HAAO: variants seen among roughly 807,000 people sequenced by gnomAD.
The protein encoded by HAAO is 3-hydroxyanthranilate oxygenase.
Under a neutral mutation model 46.2 loss-of-function variants are expected in HAAO, and 49 were observed. That is an observed-to-expected ratio of 1.06 (90% CI 0.84 to 1.34). The LOEUF (loss-of-function observed/expected upper bound fraction) is 1.34. HAAO is among the 40% of genes most tolerant of loss of function. The pLI is 0.00. For missense variants in HAAO, 408 were observed against 364.5 expected (o/e 1.12, Z -0.97); for synonymous variants, 157 against 145.2 (o/e 1.08, Z -0.58).
At chr2:42,786,009 C>CTGTGTGTGTGTGTG (rs10606385) in intron 2 of HAAO, among the ~76,000 whole-genome samples, 12 of 106,152 alleles carry the variant, frequency 1.1e-4, no homozygotes, top group Admixed American at 1.9e-4. Flanking sequence ...GAGGAAGCCT[C>CTGTGTGTGTGTGTG]TGTGTGTGTG....
In HAAO at chr2:42,788,566, T is replaced by C. The variant is rs769775981; in HGVS notation, c.122A>G (p.Asn41Ser). The C allele has an allele frequency of 1.2e-5, 20 of 1,606,972 alleles. No homozygotes were observed. The highest frequency in any genetic ancestry group is 6.7e-5 in the African/African-American group (5 of 74,774). Residue 41 changes from asparagine (N) to serine (S), a missense_variant, in exon 2 of 10, where the codon AAC (asparagine) becomes AGC (serine). Physicochemically the swap from Asn to Ser is conservative, Grantham distance 46. Coordinates refer to ENST00000294973, the MANE Select transcript of HAAO (RefSeq NM_012205.3). ...QLKVMFIGGP[N>S]TRKDYHIEEG... ...TTCGATGTGATAGTCCTTCCTGGTG[T>C]TGGGGCCTCCGATGAACATGACTTT...
intron 4 of HAAO, among the ~76,000 whole-genome samples, chr2:42,777,147 C>CA (rs1671639697): frequency 1.3e-5 from 2 of 150,680 alleles, no homozygotes; most frequent in African/African-American, 4.9e-5. Flanking sequence ...ACTAAAAATA[C>CA]AAAAAATTAG....
At chr2:42,781,220 T>C (rs1050073418) in intron 4 of HAAO, among the ~76,000 whole-genome samples, 1 of 152,218 alleles carries the variant, frequency 6.6e-6, no homozygotes, top group Non-Finnish European at 1.5e-5. Context: ...ATAAGTGCAA[T>C]AAGAATCTGT....
At chr2:42,773,100 A>G (rs1477326242) in intron 4 of HAAO, among the ~76,000 whole-genome samples, 2 of 152,184 alleles carry the variant, frequency 1.3e-5, no homozygotes, top group African/African-American at 4.8e-5. Flanking sequence ...AGCGGGGCCT[A>G]TTTTCTTCCC....
At chr2:42,767,996 C>T (rs1416790203) in intron 7 of HAAO, 68 bp from the exon 8 acceptor site, 6 of 1,356,266 alleles carry the variant, frequency 4.4e-6, no homozygotes, top group Non-Finnish European at 5.3e-6. Context: ...TTGAACCTGG[C>T]CCCCAGACAC....
chr2:42,779,202 G>A (rs1269034735), intron 4 of HAAO, among the ~76,000 whole-genome samples: 1 of 152,154 alleles, frequency 6.6e-6, no homozygotes, highest in East Asian at 1.9e-4. Context: ...ATGGGCCCCT[G>A]TGTCAGATTA....
intron 2 of HAAO, among the ~76,000 whole-genome samples, chr2:42,786,902 C>T (rs777166798): frequency 1.4e-4 from 21 of 152,088 alleles, no homozygotes; most frequent in Non-Finnish European, 1.9e-4. Flanking sequence ...AGGAGGAGCC[C>T]GGACCCTGAG....
intron 2 of HAAO, 158 bp from the exon 3 acceptor site, chr2:42,784,025 C>T (rs1195941235): frequency 3.4e-6 from 3 of 881,066 alleles, no homozygotes; most frequent in South Asian, 5.2e-5. Context: ...GGCCTGTCTC[C>T]CCGGTGCATG....
chr2:42,788,642 C>T, intron 1 of HAAO, 35 bp from the exon 2 acceptor site: 1 of 1,289,136 alleles, frequency 7.8e-7, no homozygotes. Context: ...CGTTCTAAAC[C>T]ATCTCCTAGG....
At chr2:42,788,136 TTGCCCCCGTC>T (rs1672524189) in intron 2 of HAAO, among the ~76,000 whole-genome samples, 1 of 152,164 alleles carries the variant, frequency 6.6e-6, no homozygotes, top group African/African-American at 2.4e-5. Flanking sequence ...TTTTTGCACT[TTGCCCCCGTC>T]TGCGGGGGAG....
chr2:42,782,943 T>C (rs1434111733), intron 4 of HAAO: 3 of 450,872 alleles, frequency 6.7e-6, no homozygotes, highest in South Asian at 5.0e-5. Context: ...CATCAGGACC[T>C]CCTGAGGCTG....
intron 8 of HAAO, 64 bp downstream of exon 8, chr2:42,767,795 GC>G: frequency 1.3e-6 from 2 of 1,573,152 alleles, no homozygotes; most frequent in Admixed American, 3.3e-5. Flanking sequence ...GGAGCCCAGG[GC>G]CGAGGAGCGG....
intron 7 of HAAO, among the ~76,000 whole-genome samples, chr2:42,768,741 C>A (rs1023677723): frequency 6.6e-6 from 1 of 152,208 alleles, no homozygotes; most frequent in Non-Finnish European, 1.5e-5. Flanking sequence ...CCTGTCACTC[C>A]CCTGCTTCAA....
intron 4 of HAAO, among the ~76,000 whole-genome samples, chr2:42,773,580 C>A (rs968535216): frequency 2.0e-5 from 3 of 150,548 alleles, no homozygotes; most frequent in African/African-American, 7.4e-5. Flanking sequence ...AAACCTACCC[C>A]CTATTTTTTT....
chr2:42,788,594 G>T lies in HAAO; in HGVS notation c.94C>A (p.Leu32Ile), dbSNP rs750800904. The T allele has an allele frequency of 2.5e-6, 4 of 1,586,862 alleles. No individual in the cohort carries two copies. The highest frequency in any genetic ancestry group is 8.7e-7 in the Non-Finnish European group (1 of 1,155,628). Residue 32 changes from leucine to isoleucine, a missense_variant, in exon 2 of 10, where the codon CTC (leucine) becomes ATC (isoleucine). Coordinates refer to ENST00000294973, the MANE Select transcript of HAAO (RefSeq NM_012205.3). ...VCNKLMHQEQ[L>I]KVMFIGGPNT... ...GGGCCTCCGATGAACATGACTTTGA[G>T]CTGCTCCTGGTGCCTGCAATGCGCA...
At chr2:42,774,772 G>C (rs1443254490) in intron 4 of HAAO, among the ~76,000 whole-genome samples, 1 of 146,394 alleles carries the variant, frequency 6.8e-6, no homozygotes, top group Non-Finnish European at 1.5e-5. Flanking sequence ...GCGATTGTTT[G>C]TTTTGCTTCA....
rs1482682349 is a variant in HAAO at position 42,770,498 on chromosome 2, G to C, written c.435C>G (p.Ile145Met). 1.9e-6 allele frequency: 3 copies of C among 1,549,100 alleles called. No individual in the cohort carries two copies. Among genetic ancestry groups the C allele is most frequent in the Non-Finnish European group, 2.6e-6 (3 of 1,145,028 alleles). Residue 145 changes from isoleucine (I) to methionine (M), a missense_variant, in exon 5 of 10, where the codon ATC becomes ATG. By Grantham distance (10) the Ile-to-Met change is conservative. Coordinates refer to ENST00000294973, the MANE Select transcript of HAAO (RefSeq NM_012205.3). ...KDLGTQLAPIIQEFFSSEQYR... is the reference protein window; with the variant it reads ...KDLGTQLAPIMQEFFSSEQYR... ...GGGCTGGGCTGGGGGCTCACTCCTG[G>C]ATGATGGGGGCCAACTGCGTGCCGA...
chr2:42,774,259 G>A (rs570579283), intron 4 of HAAO, among the ~76,000 whole-genome samples: 8 of 152,304 alleles, frequency 5.3e-5, no homozygotes, highest in Admixed American at 5.2e-4. Flanking sequence ...ACTGAGACCT[G>A]TCTCAAATTT....
intron 4 of HAAO, among the ~76,000 whole-genome samples, chr2:42,775,285 G>A (rs1474025109): frequency 2.0e-5 from 3 of 151,474 alleles, no homozygotes; most frequent in Non-Finnish European, 4.4e-5. Flanking sequence ...TCTGGTGGGG[G>A]GAGAAAAAAG....
Sources: gnomAD v4.1 joint callset for allele counts (sites outside exome capture counted in the v4.1 genomes callset) on GRCh38, gnomAD v4.1.1 for gene constraint, MANE v1.5 for transcripts, NCBI Gene and HGNC (gene_info 2026-07-23, HGNC 2026-07-21) for gene names.